PTK2: variants seen among roughly 807,000 people sequenced by gnomAD.
PTK2 encodes the protein protein tyrosine kinase 2, also known as focal adhesion kinase 1.
PTK2 carries 45 observed loss-of-function variants against 150.1 expected under a neutral mutation model. The observed-to-expected ratio is 0.30, with a 90% CI of 0.24 to 0.38. The LOEUF (loss-of-function observed/expected upper bound fraction) is 0.38. PTK2 is among the 10% of genes least tolerant of loss of function. The probability of loss-of-function intolerance (pLI) is 1.00; values close to 1 mark genes in which losing one functional copy is unlikely to be tolerated. For synonymous variants in PTK2, 432 were observed against 449.2 expected, an observed-to-expected ratio of 0.96 and a Z score of 0.48; for missense variants, 919 against 1,307.3, an observed-to-expected ratio of 0.70 and a Z score of 4.58.
At chr8:140,879,816 A>G (rs1446379789) in intron 3 of PTK2, among the ~76,000 whole-genome samples, 179 bp from the exon 4 acceptor site, 2 of 152,106 alleles carry the variant, frequency 1.3e-5, no homozygotes, top group Non-Finnish European at 2.9e-5. Flanking sequence ...CAAGTTAAAT[A>G]AATTACTTAG....
chr8:140,839,265 G>T (rs190057095), intron 7 of PTK2, among the ~76,000 whole-genome samples: 3 of 152,074 alleles, frequency 2.0e-5, no homozygotes, highest in African/African-American at 7.2e-5. Context: ...TGACGAAGGC[G>T]GAAGTGGCAT....
At chr8:140,752,657 T>G (rs1277721407) in intron 16 of PTK2, among the ~76,000 whole-genome samples, 1 of 152,154 alleles carries the variant, frequency 6.6e-6, no homozygotes, top group Non-Finnish European at 1.5e-5. Context: ...TACACTCCAG[T>G]GAGGAACACA....
chr8:140,939,302 C>G (rs1348016023), intron 1 of PTK2, among the ~76,000 whole-genome samples: 1 of 151,998 alleles, frequency 6.6e-6, no homozygotes, highest in Non-Finnish European at 1.5e-5. Context: ...CAAGAAATTG[C>G]AAAAAAATTA....
chr8:140,715,155 G>GTTTTTTTTTTTTT (rs67306225), intron 23 of PTK2, among the ~76,000 whole-genome samples: 1 of 56,020 alleles, frequency 1.8e-5, no homozygotes, highest in Admixed American at 2.5e-4. Flanking sequence ...CATTAAAACC[G>GTTTTTTTTTTTTT]TTTTTTTTTT....
At chr8:140,747,010 C>A in intron 17 of PTK2, 150 bp from the exon 21 acceptor site, 2 of 564,186 alleles carry the variant, frequency 3.5e-6, no homozygotes, top group South Asian at 4.3e-5. Flanking sequence ...CCTGCCTCAG[C>A]CTCCCGAGTA....
At chr8:140,703,675 G>A (rs10109684) in intron 24 of PTK2, among the ~76,000 whole-genome samples, 112,644 of 152,078 alleles carry the variant, frequency 0.74, 43,004 homozygotes, top group Non-Finnish European at 0.84. Context: ...TGATGGTAGG[G>A]TAAGTCGTAC....
At chr8:140,851,132 T>C (rs1464308568) in intron 5 of PTK2, among the ~76,000 whole-genome samples, 3 of 152,362 alleles carry the variant, frequency 2.0e-5, no homozygotes, top group Middle Eastern at 6.8e-3. Flanking sequence ...TCTTAGAGCC[T>C]AGCTGACTGA....
At chr8:140,829,287 CT>C (rs869245878) in intron 8 of PTK2, among the ~76,000 whole-genome samples, 1 of 96,320 alleles carries the variant, frequency 1.0e-5, no homozygotes, top group Non-Finnish European at 1.9e-5. Flanking sequence ...GGAAGGGATA[CT>C]GTTACTTTCT....
chr8:140,873,111 G>C (rs2100143461), intron 4 of PTK2, among the ~76,000 whole-genome samples: 1 of 152,246 alleles, frequency 6.6e-6, no homozygotes, highest in South Asian at 2.1e-4. Flanking sequence ...TAGAGCTAGA[G>C]TCTCTGAAAG....
intron 1 of PTK2, among the ~76,000 whole-genome samples, chr8:140,935,407 G>C (rs1414968357): frequency 6.6e-6 from 1 of 152,172 alleles, no homozygotes; most frequent in Non-Finnish European, 1.5e-5. Flanking sequence ...CAGATTCTTA[G>C]AGAGCATAAA....
chr8:140,828,284 G>C (rs1162193998), intron 8 of PTK2, among the ~76,000 whole-genome samples: 1 of 152,130 alleles, frequency 6.6e-6, no homozygotes, highest in Non-Finnish European at 1.5e-5. Context: ...AGTAGGAGAG[G>C]GAACATTGAA....
At chr8:140,881,813 A>T (rs913826916) in intron 3 of PTK2, among the ~76,000 whole-genome samples, 3 of 152,190 alleles carry the variant, frequency 2.0e-5, no homozygotes, top group African/African-American at 7.2e-5. Flanking sequence ...AACCAGTCTC[A>T]AAGAGGCTTA....
At chr8:140,788,284 C>T (rs2100086190) in intron 14 of PTK2, among the ~76,000 whole-genome samples, 1 of 152,190 alleles carries the variant, frequency 6.6e-6, no homozygotes, top group African/African-American at 2.4e-5. Context: ...GACAGTATAA[C>T]ACATCATTCA....
At chr8:140,684,520 G>C (rs913770376) in intron 27 of PTK2, among the ~76,000 whole-genome samples, 1 of 152,190 alleles carries the variant, frequency 6.6e-6, no homozygotes, top group African/African-American at 2.4e-5. Flanking sequence ...CAAAGTTTCA[G>C]GGTACAAAAT....
At chr8:140,897,287 C>G (rs1385987050) in intron 2 of PTK2, among the ~76,000 whole-genome samples, 1 of 151,874 alleles carries the variant, frequency 6.6e-6, no homozygotes, top group Non-Finnish European at 1.5e-5. Context: ...TAAAGATAAA[C>G]TTTTGTTACA....
At chr8:140,977,662 A>C (rs1588344716) in intron 1 of PTK2, among the ~76,000 whole-genome samples, 1 of 152,086 alleles carries the variant, frequency 6.6e-6, no homozygotes, top group Non-Finnish European at 1.5e-5. Context: ...GTCCAACTGG[A>C]CTCCAGCCTA....
chr8:140,960,852 T>G (rs1183580640), intron 1 of PTK2, among the ~76,000 whole-genome samples: 1 of 151,918 alleles, frequency 6.6e-6, no homozygotes, highest in Non-Finnish European at 1.5e-5. Flanking sequence ...TGGTGGCGCA[T>G]GCCTGTAATC....
rs2100156535 is a variant in PTK2, at chr8:140,896,859, G to T, written c.-32-6090C>A. Among the ~76,000 whole-genome samples the T allele has an allele frequency of 7.5e-5, 11 of 146,384 alleles. No homozygotes were observed. In the South Asian group the frequency reaches 2.4e-3, roughly 32 times the overall value. On this transcript the variant is annotated intron_variant, in intron 2 of 31. Coordinates refer to ENST00000522684, the Ensembl canonical transcript of PTK2. ...AAAACTATCATTATTCATAAACTAT[G>T]TAAGTAAAACTATAATTATGCATAG...
intron 23 of PTK2, among the ~76,000 whole-genome samples, chr8:140,711,282 T>A (rs2100036719): frequency 6.6e-6 from 1 of 152,162 alleles, no homozygotes; most frequent in Non-Finnish European, 1.5e-5. Flanking sequence ...AATTTTTGTA[T>A]TTTTAGTACA....
Sources: allele counts gnomAD v4.1 joint callset (sites outside exome capture counted in the v4.1 genomes callset), GRCh38; gene constraint gnomAD v4.1.1; transcripts MANE v1.5; gene names NCBI Gene and HGNC (gene_info 2026-07-23, HGNC 2026-07-21).